Variants in CCR5AS observed in about 807,000 individuals in gnomAD.
CCR5AS encodes the protein CCR5 antisense RNA.
At chr3:46,406,167 T>C (rs955766089) in intron 1 of CCR5AS, among the ~76,000 whole-genome samples, 2 of 152,188 alleles carry the variant, frequency 1.3e-5, no homozygotes, top group African/African-American at 4.8e-5. Context: ...TGCGCCTCAG[T>C]GCCAGGCTAG....
chr3:46,393,764 C>T (rs1436614702), intron 1 of CCR5AS, among the ~76,000 whole-genome samples: 1 of 152,202 alleles, frequency 6.6e-6, no homozygotes, highest in Non-Finnish European at 1.5e-5. Context: ...AGGAGGGCTT[C>T]CAGGCCCCAT....
At chr3:46,379,831 AAGTTGC>A (rs1331057835) in intron 2 of CCR5AS, among the ~76,000 whole-genome samples, 1 of 152,042 alleles carries the variant, frequency 6.6e-6, no homozygotes, top group Non-Finnish European at 1.5e-5. Flanking sequence ...TGGGAGGTGG[AAGTTGC>A]AGTGAGCTGA....
intron 3 of CCR5AS, chr3:46,371,059 C>T (rs527678371): frequency 1.1e-4 from 16 of 152,266 alleles, no homozygotes; most frequent in African/African-American, 3.9e-4. Context: ...ACAGGAAACC[C>T]ATAGAAGACA....
chr3:46,377,798 C>T (rs191802233), intron 2 of CCR5AS, among the ~76,000 whole-genome samples: 83 of 152,070 alleles, frequency 5.5e-4, no homozygotes, highest in African/African-American at 2.0e-3. Context: ...CACTGCCTCC[C>T]GGGTTCAAGC....
chr3:46,379,013 T>C (rs914104375), intron 2 of CCR5AS, among the ~76,000 whole-genome samples: 1 of 151,980 alleles, frequency 6.6e-6, no homozygotes, highest in African/African-American at 2.4e-5. Flanking sequence ...TTTTTTTTTT[T>C]TTTTTACTTC....
At chr3:46,395,167 A>G (rs1157870640) in intron 1 of CCR5AS, among the ~76,000 whole-genome samples, 1 of 152,148 alleles carries the variant, frequency 6.6e-6, no homozygotes, top group Non-Finnish European at 1.5e-5. Context: ...CATATGATCA[A>G]GGCTTGGGTC....
intron 1 of CCR5AS, among the ~76,000 whole-genome samples, chr3:46,395,959 G>T (rs1156946584): frequency 6.6e-6 from 1 of 152,214 alleles, no homozygotes; most frequent in African/African-American, 2.4e-5. Context: ...GTCCTGGGAA[G>T]GAAGAGGCTC....
intron 2 of CCR5AS, among the ~76,000 whole-genome samples, chr3:46,385,553 A>T (rs1701853360): frequency 6.6e-6 from 1 of 152,084 alleles, no homozygotes; most frequent in Non-Finnish European, 1.5e-5. Flanking sequence ...TGGAACACTC[A>T]TGTTTGGTGT....
intron 1 of CCR5AS, among the ~76,000 whole-genome samples, chr3:46,396,570 G>C (rs1486094604): frequency 6.6e-6 from 1 of 152,218 alleles, no homozygotes; most frequent in Non-Finnish European, 1.5e-5. Flanking sequence ...GATGGGAACA[G>C]AGGTGCTGGA....
Position 46,394,906 on chromosome 3 carries a change from A to G in CCR5AS, n.164-1854T>C, listed in dbSNP as rs367931152. 2.0e-5 allele frequency among the ~76,000 whole-genome samples: 3 copies of G among 152,148 alleles called. No homozygotes were observed. In the East Asian group the frequency reaches 5.8e-4, roughly 29 times the overall value. ...CGTGGGCACTGAGGAGTGTGGGCCCATGGCATGGGTGGAGAGGAGTTTCAA... is the reference window on the plus strand; with the variant it reads ...CGTGGGCACTGAGGAGTGTGGGCCCGTGGCATGGGTGGAGAGGAGTTTCAA... On this transcript the variant is annotated intron_variant and non_coding_transcript_variant, in intron 1 of 3. Coordinates refer to ENST00000451485, the Ensembl canonical transcript of CCR5AS.
intron 3 of CCR5AS, among the ~76,000 whole-genome samples, chr3:46,367,397 A>G (rs560874710): frequency 3.3e-5 from 5 of 151,736 alleles, no homozygotes; most frequent in Admixed American, 1.3e-4. Flanking sequence ...CGCCTACAGA[A>G]TGGTATATGC....
chr3:46,375,731 A>C (rs999476047), intron 2 of CCR5AS: 1 of 166,772 alleles, frequency 6.0e-6, no homozygotes, highest in Non-Finnish European at 1.5e-5. Context: ...AACAGAAAAA[A>C]TCGTCTCTCC....
At chr3:46,400,929 A>T (rs1289001401) in intron 1 of CCR5AS, among the ~76,000 whole-genome samples, 1 of 152,200 alleles carries the variant, frequency 6.6e-6, no homozygotes, top group Non-Finnish European at 1.5e-5. Flanking sequence ...CTGACTCCCA[A>T]ATCTGAGACA....
intron 1 of CCR5AS, among the ~76,000 whole-genome samples, chr3:46,394,716 A>G (rs1392693662): frequency 6.6e-6 from 1 of 152,216 alleles, no homozygotes; most frequent in Non-Finnish European, 1.5e-5. Flanking sequence ...TGTACGTGAC[A>G]GGAATGGAGG....
chr3:46,371,304 C>T (rs1575278345), exon 3 of CCR5AS: 1 of 152,300 alleles, frequency 6.6e-6, no homozygotes, highest in Middle Eastern at 3.4e-3. Flanking sequence ...ATCTTATCTT[C>T]TGCTAAGGAG....
chr3:46,385,884 G>T (rs1203232344), intron 2 of CCR5AS, among the ~76,000 whole-genome samples: 1 of 152,014 alleles, frequency 6.6e-6, no homozygotes, highest in Non-Finnish European at 1.5e-5. Context: ...GGGACTACAG[G>T]CGCCCACCAC....
At chr3:46,372,923 T>C in intron 2 of CCR5AS, 4 of 1,595,194 alleles carry the variant, frequency 2.5e-6, no homozygotes, top group Non-Finnish European at 3.4e-6. Context: ...AAGTGTCAAG[T>C]CCAATCTATG....
Position 46,368,529 on chromosome 3 carries a change from A to G in CCR5AS, n.565+2715T>C, listed in dbSNP as rs41491345. ...TAGAACACACCTCTGGACCAGAAACACAAAAGTGGAGTAACGCACACTGCA... is the reference window on the plus strand; with the variant it reads ...TAGAACACACCTCTGGACCAGAAACGCAAAAGTGGAGTAACGCACACTGCA... On this transcript the variant is annotated intron_variant and non_coding_transcript_variant, in intron 3 of 3. Transcript: ENST00000451485. Among the ~76,000 whole-genome samples the G allele has an allele frequency of 2.1e-3, 319 of 152,306 alleles. 1 individual carries two copies. Among genetic ancestry groups the G allele is most frequent in the African/African-American group, 7.1e-3 (294 of 41,554 alleles).
At chr3:46,405,633 C>G (rs1223262562) in intron 1 of CCR5AS, among the ~76,000 whole-genome samples, 1 of 151,912 alleles carries the variant, frequency 6.6e-6, no homozygotes, top group African/African-American at 2.4e-5. Context: ...CACCATGACC[C>G]CCACTCACTC....
Sources: allele counts gnomAD v4.1 joint callset (sites outside exome capture counted in the v4.1 genomes callset), GRCh38; gene constraint gnomAD v4.1.1; transcripts MANE v1.5; gene names NCBI Gene and HGNC (gene_info 2026-07-23, HGNC 2026-07-21).